KCNK10: variants seen among roughly 807,000 people sequenced by gnomAD.
KCNK10 encodes potassium two pore domain channel subfamily K member 10.
KCNK10 carries 25 observed loss-of-function variants against 47.7 expected under a neutral mutation model. The ratio of observed to expected loss-of-function variants is 0.52; its 90% CI spans 0.38 to 0.73. KCNK10 has a LOEUF of 0.73. Ranked by LOEUF, KCNK10 falls within the 30% of genes least tolerant of loss-of-function variation. KCNK10 has a pLI of 0.00. For missense variants in KCNK10, 563 were observed against 714.5 expected, an observed-to-expected ratio of 0.79 and a Z score of 2.42; for synonymous variants, 303 against 285.6, an observed-to-expected ratio of 1.06 and a Z score of -0.61.
At chr14:88,253,447 A>G (rs1371916476) in intron 2 of KCNK10, among the ~76,000 whole-genome samples, 1 of 152,240 alleles carries the variant, frequency 6.6e-6, no homozygotes, top group Non-Finnish European at 1.5e-5. Context: ...ATCATCATAC[A>G]TTGTAGGTAT....
chr14:88,225,031 C>G (rs1199753133), intron 4 of KCNK10, among the ~76,000 whole-genome samples: 1 of 152,034 alleles, frequency 6.6e-6, no homozygotes. Context: ...AATACATAAA[C>G]CTTCCCCCAT....
In KCNK10 at chr14:88,244,646, C is replaced by T. The variant is rs535185629; in HGVS notation, c.403-3826G>A. Among the ~76,000 whole-genome samples, 5 of 151,372 alleles carry T rather than the reference C, an allele frequency of 3.3e-5. No homozygotes were observed. The East Asian group carries it at 9.7e-4, about 29-fold the overall frequency. ...TCGCGCTACTGCACTCCAGCCTGGG[C>T]AACAGAGTGAGACTCTGTCTCAAAA... On this transcript the variant is annotated intron_variant, in intron 2 of 6. Coordinates refer to ENST00000319231, the MANE Select transcript of KCNK10 (RefSeq NM_138317.3).
intron 1 of KCNK10, among the ~76,000 whole-genome samples, chr14:88,284,647 G>A (rs769534703): frequency 3.9e-5 from 6 of 152,144 alleles, no homozygotes; most frequent in Non-Finnish European, 7.3e-5. Flanking sequence ...AAGACTCAGC[G>A]AGTCTGCTCA....
intron 5 of KCNK10, among the ~76,000 whole-genome samples, chr14:88,191,792 G>A (rs962182757): frequency 6.6e-6 from 1 of 152,190 alleles, no homozygotes; most frequent in African/African-American, 2.4e-5. Flanking sequence ...AGAGACAATG[G>A]CTCTCACCTG....
upstream of KCNK10, among the ~76,000 whole-genome samples, chr14:88,324,006 A>G (rs10134945): frequency 0.13 from 19,347 of 152,178 alleles, 1,902 homozygotes; most frequent in African/African-American, 0.27. Context: ...CTCCCAAGGC[A>G]CAGCTTGGTC....
chr14:88,272,462 G>A (rs376629565), intron 1 of KCNK10, among the ~76,000 whole-genome samples: 4 of 152,114 alleles, frequency 2.6e-5, no homozygotes, highest in East Asian at 1.9e-4. Context: ...AGGAGGTGGA[G>A]AGGAAGGCGG....
chr14:88,245,342 C>G (rs1478907255), intron 2 of KCNK10, among the ~76,000 whole-genome samples: 1 of 152,110 alleles, frequency 6.6e-6, no homozygotes, highest in African/African-American at 2.4e-5. Context: ...TCCCCCACAC[C>G]ATGCATTAGG....
rs141760200 is a variant in KCNK10, at chr14:88,180,472, G to A, written c.*5063C>T. ...GCACCACTGCACCTTCTCCCTTCAA[G>A]CTCAGAGCCCTGACAGCAAAAGAGA... On this transcript the variant is annotated 3_prime_UTR_variant, in exon 7 of 7. Coordinates refer to ENST00000319231, the MANE Select transcript of KCNK10 (RefSeq NM_138317.3). 2.6e-5 allele frequency: 6 copies of A among 229,008 alleles called. No individual in the cohort carries two copies. Among genetic ancestry groups the A allele is most frequent in the African/African-American group, 9.0e-5 (4 of 44,384 alleles). 14.2% of individuals were successfully genotyped at this position (229,008 alleles called of 1,614,324 possible).
chr14:88,302,065 A>C (rs957312562), intron 1 of KCNK10, among the ~76,000 whole-genome samples: 1 of 152,210 alleles, frequency 6.6e-6, no homozygotes, highest in Admixed American at 6.5e-5. Flanking sequence ...GATGTGTTCT[A>C]GATATCGTAT....
intron 2 of KCNK10, among the ~76,000 whole-genome samples, chr14:88,244,642 T>C (rs1376881973): frequency 6.6e-6 from 1 of 151,798 alleles, no homozygotes; most frequent in East Asian, 1.9e-4. Context: ...CACTCCAGCC[T>C]GGGCAACAGA....
At chr14:88,279,335 T>C (rs1887595439) in intron 1 of KCNK10, among the ~76,000 whole-genome samples, 1 of 150,884 alleles carries the variant, frequency 6.6e-6, no homozygotes, top group African/African-American at 2.4e-5. Context: ...TTCTACATGG[T>C]AGTTTAGTTA....
chr14:88,186,051 C>G lies in KCNK10; in HGVS notation c.1116G>C (p.Gln372His). Reference sequence around the variant, plus strand: ...CCATGCTGCGGATGGTGGCCGCCCGCTGCAGCTTATCGTGGATCTCCACGC... The same window carrying G: ...CCATGCTGCGGATGGTGGCCGCCCGGTGCAGCTTATCGTGGATCTCCACGC... The part of the protein sequence containing the change: ...RLSVEIHDKL[Q>H]RAATIRSMER... The change falls in exon 7 of 7, where the codon CAG becomes CAC. Residue 372 changes from glutamine (Q) to histidine (H), a missense_variant. Gln to His is a conservative substitution (Grantham distance 24). Coordinates refer to ENST00000319231, the MANE Select transcript of KCNK10 (RefSeq NM_138317.3). The surrounding 1 kb of genome is among the most constrained non-coding windows in gnomAD (Gnocchi z 5.5). The G allele has an allele frequency of 6.2e-7, 1 of 1,613,184 alleles. No homozygotes were observed. Among genetic ancestry groups the G allele is most frequent in the Non-Finnish European group, 8.5e-7 (1 of 1,179,962 alleles).
chr14:88,202,044 A>C (rs1027166186), intron 4 of KCNK10, among the ~76,000 whole-genome samples: 1 of 152,218 alleles, frequency 6.6e-6, no homozygotes, highest in African/African-American at 2.4e-5. Context: ...AGTGTTTAGT[A>C]GAGATATGCA....
chr14:88,234,744 T>C (rs1002677717), intron 3 of KCNK10, among the ~76,000 whole-genome samples: 1 of 152,210 alleles, frequency 6.6e-6, no homozygotes, highest in Non-Finnish European at 1.5e-5. Context: ...TGAATGAAGA[T>C]TTTTGTTGCA....
intron 1 of KCNK10, among the ~76,000 whole-genome samples, chr14:88,314,923 T>A (rs1232728582): frequency 6.6e-6 from 1 of 152,230 alleles, no homozygotes; most frequent in Non-Finnish European, 1.5e-5. Flanking sequence ...TGAAGCAATG[T>A]TCCCAAATCA....
intron 2 of KCNK10, among the ~76,000 whole-genome samples, chr14:88,251,814 T>C (rs1343766120): frequency 6.6e-6 from 1 of 152,212 alleles, no homozygotes; most frequent in African/African-American, 2.4e-5. Context: ...CTAAATGCCC[T>C]TTGGCCACAT....
intron 4 of KCNK10, among the ~76,000 whole-genome samples, chr14:88,200,359 GA>G (rs1167491385): frequency 6.6e-6 from 1 of 152,038 alleles, no homozygotes; most frequent in Admixed American, 6.6e-5. Flanking sequence ...GCATAATTGA[GA>G]AAAAAATTGG....
At chr14:88,295,397 C>T (rs1887965645) in intron 1 of KCNK10, among the ~76,000 whole-genome samples, 1 of 152,136 alleles carries the variant, frequency 6.6e-6, no homozygotes, top group South Asian at 2.1e-4. Context: ...GATGGTGGCT[C>T]ACCTATAATC....
At chr14:88,227,682 C>T (rs1344876629) in intron 3 of KCNK10, 147 bp from the exon 4 acceptor site, 21 of 624,860 alleles carry the variant, frequency 3.4e-5, no homozygotes, top group East Asian at 5.9e-5. Flanking sequence ...CTCTACAATT[C>T]GCAACATTGT....
Sources: gnomAD v4.1 joint callset for allele counts (sites outside exome capture counted in the v4.1 genomes callset) on GRCh38, gnomAD v4.1.1 for gene constraint, Gnocchi (gnomAD v3.1) non-coding constraint, MANE v1.5 for transcripts, NCBI Gene and HGNC (gene_info 2026-07-23, HGNC 2026-07-21) for gene names.